Variants in PHACTR3 observed in about 807,000 individuals in gnomAD.
PHACTR3 encodes phosphatase and actin regulator 3, also known as protein phosphatase 1, regulatory subunit 123.
Under a neutral mutation model 66.8 loss-of-function variants are expected in PHACTR3, and 16 were observed. The ratio of observed to expected loss-of-function variants is 0.24; its 90% CI spans 0.16 to 0.36. PHACTR3 has a LOEUF of 0.36. Among genes scored for constraint, PHACTR3 ranks in the 10% least tolerant of loss-of-function variants. The pLI is 1.00. For missense variants in PHACTR3, 647 were observed against 719.9 expected, an observed-to-expected ratio of 0.90 and a Z score of 1.16; for synonymous variants, 323 against 292.1, an observed-to-expected ratio of 1.11 and a Z score of -1.08.
chr20:59,688,915 G>A (rs1031527081), intron 1 of PHACTR3, among the ~76,000 whole-genome samples: 6 of 152,144 alleles, frequency 3.9e-5, no homozygotes, highest in South Asian at 2.1e-4. Context: ...GCTGGGCAAC[G>A]CTGTGGTTGT....
At chr20:59,723,064 T>TTCTTTCTG (rs1568746923) in intron 1 of PHACTR3, among the ~76,000 whole-genome samples, 1 of 44,642 alleles carries the variant, frequency 2.2e-5, no homozygotes, top group Non-Finnish European at 4.6e-5. Context: ...TTCTTTCTCT[T>TTCTTTCTG]TCTTTCTTTC....
intron 1 of PHACTR3, among the ~76,000 whole-genome samples, chr20:59,593,928 G>A (rs2146315933): frequency 6.6e-6 from 1 of 152,272 alleles, no homozygotes; most frequent in South Asian, 2.1e-4. Flanking sequence ...CTTAAAGTCG[G>A]GAATGCCAGT....
intron 1 of PHACTR3, among the ~76,000 whole-genome samples, chr20:59,723,608 G>A (rs898918370): frequency 1.8e-4 from 28 of 152,142 alleles, no homozygotes; most frequent in East Asian, 5.8e-4. Context: ...TCAGTTCTAC[G>A]GGATCTACTC....
rs570177678 is a variant in PHACTR3 at position 59,587,621 on chromosome 20, T to G, written c.109+10004T>G. 5.9e-5 allele frequency among the ~76,000 whole-genome samples: 9 copies of G among 152,330 alleles called. No homozygotes were observed. In the East Asian group the frequency reaches 1.7e-3, roughly 29 times the overall value. ...TCTCTGGGTCTCAGCAGCGCTGTGC[T>G]GTTTGCCAGATGCTCTGGGAGAGAA... On this transcript the variant is annotated intron_variant, in intron 1 of 12. Transcript: ENST00000359926.
chr20:59,673,019 C>G (rs1015139839), intron 1 of PHACTR3, among the ~76,000 whole-genome samples: 2 of 152,168 alleles, frequency 1.3e-5, no homozygotes, highest in Non-Finnish European at 2.9e-5. Context: ...TTGGATGTGT[C>G]TGTTACGGTG....
intron 1 of PHACTR3, among the ~76,000 whole-genome samples, chr20:59,612,531 C>T (rs953880618): frequency 1.6e-4 from 24 of 152,066 alleles, no homozygotes; most frequent in African/African-American, 3.9e-4. Context: ...ACTACAGGTG[C>T]GCGCCACCAT....
chr20:59,625,491 T>G (rs1343325878), intron 1 of PHACTR3, among the ~76,000 whole-genome samples: 1 of 152,180 alleles, frequency 6.6e-6, no homozygotes. Flanking sequence ...AGAAATCTAT[T>G]CATGGCCCTC....
chr20:59,666,578 CAG>C (rs2035996978), intron 1 of PHACTR3, among the ~76,000 whole-genome samples: 1 of 150,250 alleles, frequency 6.7e-6, no homozygotes, highest in African/African-American at 2.5e-5. Flanking sequence ...GACAGAGAGA[CAG>C]GGAGAGAGAG....
chr20:59,789,887 A>G (rs953589100), intron 7 of PHACTR3, among the ~76,000 whole-genome samples: 3 of 152,218 alleles, frequency 2.0e-5, no homozygotes, highest in Non-Finnish European at 4.4e-5. Context: ...TGAACCCAGC[A>G]GGATCCACGA....
intron 1 of PHACTR3, among the ~76,000 whole-genome samples, chr20:59,672,009 TAG>T (rs1382698439): frequency 1.3e-5 from 2 of 152,236 alleles, no homozygotes; most frequent in Non-Finnish European, 2.9e-5. Flanking sequence ...AGGCCTCAGC[TAG>T]AGATTCTTCC....
At chr20:59,744,132 G>A (rs1474266623) in intron 2 of PHACTR3, among the ~76,000 whole-genome samples, 1 of 152,252 alleles carries the variant, frequency 6.6e-6, no homozygotes, top group Non-Finnish European at 1.5e-5. Context: ...GCATGGAGGA[G>A]CCAACTCAAC....
At chr20:59,769,316 T>C (rs1311201423) in intron 5 of PHACTR3, among the ~76,000 whole-genome samples, 1 of 152,158 alleles carries the variant, frequency 6.6e-6, no homozygotes. Flanking sequence ...TCAACTGCCA[T>C]TAAGTTAAAG....
chr20:59,843,149 T>C (rs533670491), intron 11 of PHACTR3, among the ~76,000 whole-genome samples: 6 of 151,638 alleles, frequency 4.0e-5, no homozygotes, highest in African/African-American at 9.7e-5. Flanking sequence ...TGAAAATGAA[T>C]TGAACCAAGG....
At chr20:59,686,919 G>A (rs543586338) in intron 1 of PHACTR3, among the ~76,000 whole-genome samples, 1 of 150,738 alleles carries the variant, frequency 6.6e-6, no homozygotes, top group East Asian at 2.0e-4. Context: ...TGATGGTGAT[G>A]ATTGTGATGA....
At chr20:59,697,183 C>G (rs2037328342) in intron 1 of PHACTR3, among the ~76,000 whole-genome samples, 1 of 152,196 alleles carries the variant, frequency 6.6e-6, no homozygotes, top group Non-Finnish European at 1.5e-5. Context: ...AAATAAATCT[C>G]CCGGGTTTGA....
intron 4 of PHACTR3, among the ~76,000 whole-genome samples, chr20:59,756,974 C>T (rs1180257375): frequency 1.3e-5 from 2 of 152,198 alleles, no homozygotes; most frequent in Admixed American, 6.5e-5. Flanking sequence ...TGACAAAGGG[C>T]TAATATCCAG....
In PHACTR3 at chr20:59,654,630, C is replaced by G. The variant is rs186465004; in HGVS notation, c.118+49498C>G. ...GTGACCAAGCTTTTAAATTTTACTA[C>G]CAGTTTTCAGGAAATATGGAGGCTA... On this transcript the variant is annotated intron_variant, in intron 1 of 12. Transcript: ENST00000371015. 2.8e-4 allele frequency among the ~76,000 whole-genome samples: 43 copies of G among 152,186 alleles called. 1 individual carries two copies. The highest frequency in any genetic ancestry group is 2.0e-4 in the Admixed American group (3 of 15,292).
intron 5 of PHACTR3, among the ~76,000 whole-genome samples, chr20:59,771,113 A>T (rs2040344388): frequency 6.6e-6 from 1 of 152,168 alleles, no homozygotes; most frequent in South Asian, 2.1e-4. Context: ...TCTGTGATTG[A>T]CAGTGGGGCA....
chr20:59,598,356 C>T (rs2033383773), intron 1 of PHACTR3, among the ~76,000 whole-genome samples: 1 of 152,160 alleles, frequency 6.6e-6, no homozygotes, highest in South Asian at 2.1e-4. Context: ...ATGCCCACAC[C>T]CTGTAAGGTA....
Sources: allele counts gnomAD v4.1 joint callset (sites outside exome capture counted in the v4.1 genomes callset), GRCh38; gene constraint gnomAD v4.1.1; transcripts MANE v1.5; gene names NCBI Gene and HGNC (gene_info 2026-07-23, HGNC 2026-07-21).